Variants in TNS1 observed in about 807,000 individuals in gnomAD.
TNS1 encodes the protein tensin 1.
Under a neutral mutation model 168.6 loss-of-function variants are expected in TNS1, and 62 were observed. The observed-to-expected ratio is 0.37, with a 90% confidence interval of 0.30 to 0.45. TNS1 has a LOEUF of 0.45. Ranked by LOEUF, TNS1 falls within the 20% of genes least tolerant of loss-of-function variation. TNS1 has a pLI of 1.00. For missense variants in TNS1, 2,240 were observed against 2,339.4 expected (o/e 0.96, Z 0.88); for synonymous variants, 934 against 933.2 (o/e 1.00, Z -0.02).
chr2:217,834,271 C>G (rs1574704410), intron 21 of TNS1, among the ~76,000 whole-genome samples: 1 of 152,334 alleles, frequency 6.6e-6, no homozygotes, highest in South Asian at 2.1e-4. Context: ...CTCCAGTTCT[C>G]CCTCCTCTCA....
intron 4 of TNS1, among the ~76,000 whole-genome samples, chr2:217,913,599 C>T (rs914616020): frequency 6.6e-6 from 1 of 152,112 alleles, no homozygotes; most frequent in Non-Finnish European, 1.5e-5. Flanking sequence ...CCTGCCAAGC[C>T]ACCCTGAAAC....
intron 1 of TNS1, among the ~76,000 whole-genome samples, chr2:218,018,585 G>A (rs77252344): frequency 0.048 from 7,239 of 152,298 alleles, 211 homozygotes; most frequent in Middle Eastern, 0.078. Context: ...CCCCAATCAG[G>A]CCTCACCTGG....
At chr2:217,918,663 C>T (rs1054530218) in intron 4 of TNS1, among the ~76,000 whole-genome samples, 26 of 152,216 alleles carry the variant, frequency 1.7e-4, no homozygotes, top group Admixed American at 6.5e-5. Context: ...CCTGAACCCC[C>T]AGCCTCATAA....
At chr2:217,944,507 G>C (rs1183449059) in intron 3 of TNS1, among the ~76,000 whole-genome samples, 1 of 152,262 alleles carries the variant, frequency 6.6e-6, no homozygotes, top group African/African-American at 2.4e-5. Flanking sequence ...GCAACTCTCA[G>C]CTTTTCTACA....
intron 6 of TNS1, among the ~76,000 whole-genome samples, chr2:217,902,420 C>T (rs1038113661): frequency 6.6e-6 from 1 of 152,120 alleles, no homozygotes; most frequent in African/African-American, 2.4e-5. Context: ...AGCATGGGAC[C>T]AGACCCAGGG....
At chr2:218,014,309 C>A (rs566327462), upstream of TNS1, among the ~76,000 whole-genome samples, 65 of 152,292 alleles carry the variant, frequency 4.3e-4, no homozygotes, top group African/African-American at 1.5e-3. Context: ...CTCCCCCACC[C>A]GCTGGAGAGA....
At chr2:218,006,107 C>T (rs1286429521), upstream of TNS1, among the ~76,000 whole-genome samples, 1 of 152,228 alleles carries the variant, frequency 6.6e-6, no homozygotes, top group Non-Finnish European at 1.5e-5. Flanking sequence ...CCGCTGCATG[C>T]GGAGACCTCC....
chr2:218,030,878 TG>T (rs1281764460), intron 1 of TNS1, among the ~76,000 whole-genome samples: 3 of 152,152 alleles, frequency 2.0e-5, no homozygotes, highest in Non-Finnish European at 4.4e-5. Flanking sequence ...TGTGTGAGAC[TG>T]TGTGTAAGCG....
Position 217,813,372 on chromosome 2 carries a change from G to T in TNS1, c.4862-65C>A. The T allele has an allele frequency of 7.5e-7, 1 of 1,327,678 alleles. No homozygotes were observed. Among genetic ancestry groups the T allele is most frequent in the Non-Finnish European group, 1.1e-6 (1 of 942,952 alleles). The allele number at this position is 1,327,678 out of a possible 1,614,324, so 82.2% of individuals were successfully genotyped here. ...ATGGCTTCCTCCCACCACCTCCCAA[G>T]ACTGCTTCAAAACTTCCGCAGTGTG... On this transcript the variant is annotated intron_variant, in intron 26 of 32. Coordinates refer to ENST00000682258, the MANE Select transcript of TNS1 (RefSeq NM_001387777.1). The surrounding 1 kb of genome is among the most constrained non-coding windows in gnomAD (Gnocchi z 4.0).
At chr2:217,913,687 T>A (rs1954685120) in intron 4 of TNS1, among the ~76,000 whole-genome samples, 1 of 152,034 alleles carries the variant, frequency 6.6e-6, no homozygotes, top group Non-Finnish European at 1.5e-5. Flanking sequence ...CCTTAGTGCT[T>A]AGCACATCAA....
chr2:217,958,294 T>G (rs529323027), intron 3 of TNS1, among the ~76,000 whole-genome samples: 5 of 152,202 alleles, frequency 3.3e-5, no homozygotes, highest in African/African-American at 1.2e-4. Context: ...AAATGCCAGA[T>G]GCCGTTAGGA....
chr2:217,890,723 C>G, intron 12 of TNS1: 2 of 580,020 alleles, frequency 3.4e-6, no homozygotes, highest in Non-Finnish European at 6.2e-6. Context: ...TTGCACTGCT[C>G]TCTAGCACAG....
At chr2:217,805,458 A>G (rs879220699) in intron 32 of TNS1, among the ~76,000 whole-genome samples, 1 of 116,276 alleles carries the variant, frequency 8.6e-6, no homozygotes, top group Non-Finnish European at 1.8e-5. Context: ...ACACCATCAC[A>G]CACACCACCA....
chr2:217,903,504 G>A lies in TNS1; in HGVS notation c.321+2831C>T, dbSNP rs938107456. 6.3e-6 allele frequency: 9 copies of A among 1,438,510 alleles called. No individual in the cohort carries two copies. In the African/African-American group the frequency reaches 1.0e-4, roughly 16 times the overall value. The allele number at this position is 1,438,510 out of a possible 1,614,324, so 89.1% of individuals were successfully genotyped here. ...GGATCACAAATCACCTTACCCAAAT[G>A]GCTTTGAACTTCTTCCTGGCTCCTC... On this transcript the variant is annotated intron_variant, in intron 6 of 32. Coordinates refer to ENST00000682258, the MANE Select transcript of TNS1 (RefSeq NM_001387777.1).
At chr2:217,910,636 C>A (rs779488209) in intron 4 of TNS1, among the ~76,000 whole-genome samples, 1 of 151,170 alleles carries the variant, frequency 6.6e-6, no homozygotes, top group South Asian at 2.1e-4. Context: ...CTCCCGGGAC[C>A]CTCTGGAACC....
chr2:217,809,717 A>C, intron 30 of TNS1, 106 bp downstream of exon 30: 1 of 1,171,188 alleles, frequency 8.5e-7, no homozygotes, highest in South Asian at 1.5e-5. Flanking sequence ...GTAGATGAGC[A>C]GTTGGGTGCA....
intron 1 of TNS1, 41 bp from the exon 2 acceptor site, chr2:217,991,097 C>T (rs1958355273): frequency 7.0e-6 from 4 of 569,540 alleles, no homozygotes; most frequent in Non-Finnish European, 6.5e-6. Flanking sequence ...GGGTAGAAGG[C>T]TGGGGTCCTG....
rs530327051 is a variant in TNS1, at chr2:217,864,244, T to C, written c.1430-15157A>G. 1.9e-4 allele frequency among the ~76,000 whole-genome samples: 29 copies of C among 152,242 alleles called. No homozygotes were observed. The East Asian group carries it at 5.6e-3, about 29-fold the overall frequency. On this transcript the variant is annotated intron_variant, in intron 18 of 32. Coordinates refer to ENST00000682258, the MANE Select transcript of TNS1 (RefSeq NM_001387777.1). Reference sequence around the variant, plus strand: ...GACGTGGACACCATGTCAGTGGCAGTCCTCACTGAATGGGGAGAGGGTATA... The same window carrying C: ...GACGTGGACACCATGTCAGTGGCAGCCCTCACTGAATGGGGAGAGGGTATA...
rs368775741 is a variant in TNS1, at chr2:217,855,391, C to T, written c.1430-6304G>A. Among the ~76,000 whole-genome samples, 9 of 152,196 alleles carry T rather than the reference C, an allele frequency of 5.9e-5. No individual in the cohort carries two copies. In the East Asian group the frequency reaches 9.6e-4, roughly 16 times the overall value. ...ACTTCCCTGGGAAATTTCCCTTAAT[C>T]TAACTTCTTCCCTACTGTCCTCCAG... On this transcript the variant is annotated intron_variant, in intron 18 of 32. Transcript: ENST00000682258.
Sources: gnomAD v4.1 joint callset for allele counts (sites outside exome capture counted in the v4.1 genomes callset) on GRCh38, gnomAD v4.1.1 for gene constraint, Gnocchi (gnomAD v3.1) non-coding constraint, MANE v1.5 for transcripts, NCBI Gene and HGNC (gene_info 2026-07-23, HGNC 2026-07-21) for gene names.